IRAG2: variants seen among roughly 807,000 people sequenced by gnomAD.
IRAG2 encodes the protein lymphoid restricted membrane protein.
A neutral mutation model predicts 69.9 loss-of-function variants in IRAG2; 45 were observed. That is an observed-to-expected ratio of 0.64 (90% CI 0.51 to 0.83). The LOEUF is 0.83. Ranked by LOEUF, IRAG2 falls within the 40% of genes least tolerant of loss-of-function variation. The pLI is 0.00. For synonymous variants in IRAG2, 193 were observed against 202.4 expected (o/e 0.95, Z 0.40); for missense variants, 520 against 587.0 (o/e 0.89, Z 1.18).
rs1944418512 is a variant in IRAG2 at position 25,004,795 on chromosome 12, T to C, written c.454T>C (p.Tyr152His). 3.2e-6 allele frequency: 4 copies of C among 1,232,124 alleles called. No individual in the cohort carries two copies. The East Asian group carries it at 1.3e-4, about 39-fold the overall frequency. 76.3% of individuals were successfully genotyped at this position (1,232,124 alleles called of 1,614,324 possible). Residue 152 changes from tyrosine to histidine, a missense_variant, in exon 1 of 39, where the codon TAT (tyrosine) becomes CAT (histidine). By Grantham distance (83) the Tyr-to-His change is moderately conservative. Coordinates refer to the IRAG2 transcript ENST00000636465. The stretch of plus-strand genomic sequence containing the variant: ...TTTCTCTAACAAGGATTTGAATAAC[T>C]ATTGTAGTGAAAATAATTTTAGTAC...
At chr12:25,032,360 C>A (rs1277389832) in exon 12 of IRAG2, 2 of 398,938 alleles carry the variant, frequency 5.0e-6, no homozygotes, top group Non-Finnish European at 4.4e-6. Flanking sequence ...TTGCAACAGG[C>A]ACTCATCACG....
chr12:25,089,523 C>T, intron 11 of IRAG2, 91 bp from the exon 12 acceptor site: 1 of 702,002 alleles, frequency 1.4e-6, no homozygotes, highest in South Asian at 1.9e-5. Flanking sequence ...AAATGAAATA[C>T]TTTTGTTTAG....
chr12:25,003,842 A>G (rs1944410895), upstream of IRAG2, among the ~76,000 whole-genome samples: 1 of 152,246 alleles, frequency 6.6e-6, no homozygotes, highest in African/African-American at 2.4e-5. Flanking sequence ...GAGGGCAACC[A>G]GTACAATACC....
At chr12:25,079,163 G>A (rs1416631028) in intron 6 of IRAG2, 81 bp from the exon 7 acceptor site, 1 of 1,383,072 alleles carries the variant, frequency 7.2e-7, no homozygotes, top group Non-Finnish European at 1.0e-6. Context: ...AGAATTGTAT[G>A]AAAATGTTTG....
chr12:25,046,469 C>A (rs1277998268), intron 16 of IRAG2, among the ~76,000 whole-genome samples: 3 of 151,910 alleles, frequency 2.0e-5, no homozygotes, highest in Non-Finnish European at 4.4e-5. Context: ...CACAAAAAAA[C>A]CTGTTAGAAT....
At chr12:25,067,992 C>T (rs1946097977) in intron 5 of IRAG2, among the ~76,000 whole-genome samples, 1 of 152,156 alleles carries the variant, frequency 6.6e-6, no homozygotes, top group South Asian at 2.1e-4. Context: ...AGGCCCTTGC[C>T]ACCATGCCCA....
intron 10 of IRAG2, among the ~76,000 whole-genome samples, chr12:25,086,727 G>C (rs964812863): frequency 6.6e-5 from 10 of 152,142 alleles, no homozygotes; most frequent in African/African-American, 2.4e-4. Context: ...AGGATGTATA[G>C]ATAATTTTAG....
intron 20 of IRAG2, among the ~76,000 whole-genome samples, chr12:25,105,454 G>C (rs578243439): frequency 1.3e-5 from 2 of 151,930 alleles, no homozygotes; most frequent in Admixed American, 6.6e-5. Flanking sequence ...ATACATTTTC[G>C]TGAGTGCCTA....
chr12:25,096,157 T>C (rs1948406207), intron 14 of IRAG2, among the ~76,000 whole-genome samples: 1 of 152,228 alleles, frequency 6.6e-6, no homozygotes, highest in South Asian at 2.1e-4. Context: ...AAAGGTTGAT[T>C]TTTTTTGAAC....
chr12:25,053,626 T>C (rs115008787), intron 1 of IRAG2, among the ~76,000 whole-genome samples: 2,401 of 152,228 alleles, frequency 0.016, 62 homozygotes, highest in African/African-American at 0.05. Context: ...ATTGTTTCAT[T>C]CTAGAAACCT....
At chr12:25,023,126 C>CAA (rs139607228) in intron 7 of IRAG2, among the ~76,000 whole-genome samples, 5 of 112,530 alleles carry the variant, frequency 4.4e-5, no homozygotes, top group South Asian at 5.9e-4. Context: ...GACTTCGTCT[C>CAA]AAAAAAAAAA....
intron 1 of IRAG2, among the ~76,000 whole-genome samples, chr12:25,059,391 C>G (rs1456474147): frequency 6.6e-6 from 1 of 152,092 alleles, no homozygotes; most frequent in Non-Finnish European, 1.5e-5. Flanking sequence ...TGCTCTGTCA[C>G]CCAGAGCTGG....
At chr12:25,042,647 A>T (rs1489624385) in intron 16 of IRAG2, among the ~76,000 whole-genome samples, 1 of 151,950 alleles carries the variant, frequency 6.6e-6, no homozygotes, top group Admixed American at 6.6e-5. Context: ...TTGTACTTGT[A>T]GTGGAGATGG....
chr12:25,076,194 A>C (rs1173084776), intron 6 of IRAG2, among the ~76,000 whole-genome samples: 1 of 152,186 alleles, frequency 6.6e-6, no homozygotes, highest in Admixed American at 6.5e-5. Flanking sequence ...TTGTTTTCTG[A>C]TTACTGACTT....
chr12:25,096,889 A>C, intron 14 of IRAG2, 21 bp from the exon 15 acceptor site: 1 of 1,591,432 alleles, frequency 6.3e-7, no homozygotes, highest in Non-Finnish European at 8.5e-7. Context: ...GATATCTTTT[A>C]ATATGCTGTT....
In IRAG2 at chr12:25,024,493, A is replaced by C. The variant is rs762164617; in HGVS notation, c.1383+572A>C. On this transcript the variant is annotated intron_variant, in intron 8 of 38. Coordinates refer to the IRAG2 transcript ENST00000636465. ...TTTTTTAAAGCAACAAAATTGAAGC[A>C]TTGGAAGAACAGGGAACAAGCTACT... 4.5e-4 allele frequency among the ~76,000 whole-genome samples: 69 copies of C among 152,236 alleles called. 1 individual carries two copies. Among genetic ancestry groups the C allele is most frequent in the Non-Finnish European group, 9.3e-4 (63 of 68,038 alleles).
At chr12:25,096,396 T>G (rs1055528123) in intron 14 of IRAG2, among the ~76,000 whole-genome samples, 1 of 152,198 alleles carries the variant, frequency 6.6e-6, no homozygotes, top group Admixed American at 6.5e-5. Flanking sequence ...GTGAGAAGGA[T>G]GTTCATCAGG....
intron 9 of IRAG2, among the ~76,000 whole-genome samples, chr12:25,028,996 C>A (rs1463265036): frequency 6.6e-6 from 1 of 152,242 alleles, no homozygotes; most frequent in Admixed American, 6.5e-5. Flanking sequence ...CTCCTGGGTT[C>A]AAGTGATCTT....
intron 9 of IRAG2, among the ~76,000 whole-genome samples, chr12:25,082,413 A>G (rs575638699): frequency 2.0e-5 from 3 of 152,160 alleles, no homozygotes; most frequent in Non-Finnish European, 2.9e-5. Flanking sequence ...AGCCTGGGCA[A>G]CATAGTGAAA....
Sources: allele counts gnomAD v4.1 joint callset (sites outside exome capture counted in the v4.1 genomes callset), GRCh38; gene constraint gnomAD v4.1.1; transcripts MANE v1.5; gene names NCBI Gene and HGNC (gene_info 2026-07-23, HGNC 2026-07-21).